Variants in INTS9 observed in about 807,000 individuals in gnomAD.
INTS9 encodes the protein protein related to CPSF subunits of 74 kDa.
A neutral mutation model predicts 79.7 loss-of-function variants in INTS9; 55 were observed. The ratio of observed to expected loss-of-function variants is 0.69; its 90% CI spans 0.56 to 0.86. The LOEUF (loss-of-function observed/expected upper bound fraction) is 0.86, where lower values mean the gene tolerates loss of function less well. Among genes scored for constraint, INTS9 ranks in the 40% least tolerant of loss-of-function variants. INTS9 has a pLI of 0.00. For synonymous variants in INTS9, 319 were observed against 325.2 expected, an observed-to-expected ratio of 0.98 and a Z score of 0.20; for missense variants, 721 against 831.5, an observed-to-expected ratio of 0.87 and a Z score of 1.64.
intron 3 of INTS9, among the ~76,000 whole-genome samples, chr8:28,847,145 A>G (rs1807564812): frequency 6.6e-6 from 1 of 152,218 alleles, no homozygotes; most frequent in African/African-American, 2.4e-5. Flanking sequence ...GCAACACCAG[A>G]ATTATGTGGG....
intron 1 of INTS9, among the ~76,000 whole-genome samples, chr8:28,879,276 C>G (rs1302497556): frequency 6.6e-6 from 1 of 151,716 alleles, no homozygotes; most frequent in African/African-American, 2.4e-5. Flanking sequence ...GTTTAACATT[C>G]AAAATTCAAT....
intron 6 of INTS9, 124 bp from the exon 7 acceptor site, chr8:28,813,736 G>A (rs1805298593): frequency 9.8e-7 from 1 of 1,018,960 alleles, no homozygotes; most frequent in Non-Finnish European, 1.5e-6. Context: ...TTGTTCATAG[G>A]ATTCCTTTAT....
At chr8:28,784,020 C>T (rs1803445503) in intron 11 of INTS9, 1 of 152,222 alleles carries the variant, frequency 6.6e-6, no homozygotes, top group African/African-American at 2.4e-5. Flanking sequence ...TTGGATCTAC[C>T]TTTCTAGCCA....
chr8:28,823,616 T>C (rs1805979050), intron 6 of INTS9, among the ~76,000 whole-genome samples: 1 of 152,242 alleles, frequency 6.6e-6, no homozygotes, highest in Non-Finnish European at 1.5e-5. Context: ...GTCAGTTTAA[T>C]TCTTAGGCAC....
intron 8 of INTS9, among the ~76,000 whole-genome samples, chr8:28,806,471 C>T (rs1804820797): frequency 6.6e-6 from 1 of 152,148 alleles, no homozygotes; most frequent in African/African-American, 2.4e-5. Flanking sequence ...ACAACTAACA[C>T]ACCCTTTTCA....
At chr8:28,774,074 C>G (rs743673) in intron 14 of INTS9, among the ~76,000 whole-genome samples, 80,543 of 151,904 alleles carry the variant, frequency 0.53, 21,786 homozygotes, top group African/African-American at 0.58. Context: ...CGGCCTCCCA[C>G]AGTGCTAGGA....
At chr8:28,788,922 A>C (rs1803769337) in intron 10 of INTS9, among the ~76,000 whole-genome samples, 2 of 152,242 alleles carry the variant, frequency 1.3e-5, no homozygotes, top group South Asian at 4.1e-4. Flanking sequence ...GGTGTTGTGC[A>C]GGTTTGACAT....
At chr8:28,851,640 T>G (rs947446657) in intron 2 of INTS9, among the ~76,000 whole-genome samples, 3 of 151,944 alleles carry the variant, frequency 2.0e-5, no homozygotes, top group African/African-American at 7.2e-5. Context: ...GGTTTCACTG[T>G]GTTAGCCAGG....
intron 12 of INTS9, among the ~76,000 whole-genome samples, chr8:28,779,715 C>T (rs867037113): frequency 6.6e-6 from 1 of 152,142 alleles, no homozygotes; most frequent in Admixed American, 6.5e-5. Context: ...TTTCTTTTAC[C>T]CATGGTGTGT....
chr8:28,770,653 T>C (rs367758925), intron 15 of INTS9, among the ~76,000 whole-genome samples: 114 of 152,330 alleles, frequency 7.5e-4, no homozygotes, highest in Non-Finnish European at 1.2e-3. Context: ...TGTGGGTCAT[T>C]GGTAGGACCA....
chr8:28,785,251 T>C (rs755810558), intron 11 of INTS9, among the ~76,000 whole-genome samples: 3 of 152,266 alleles, frequency 2.0e-5, no homozygotes, highest in South Asian at 2.1e-4. Context: ...AACATGACTT[T>C]TGTGGGGACA....
chr8:28,793,402 TG>T (rs1364791540), intron 10 of INTS9, among the ~76,000 whole-genome samples: 1 of 152,224 alleles, frequency 6.6e-6, no homozygotes, highest in Non-Finnish European at 1.5e-5. Flanking sequence ...ATCATACTAT[TG>T]CAATTTTTAA....
In INTS9 at chr8:28,873,768, T is replaced by C. The variant is rs533155960; in HGVS notation, c.10-14205A>G. Among the ~76,000 whole-genome samples the C allele has an allele frequency of 1.4e-4, 21 of 152,346 alleles. No individual in the cohort carries two copies. In the South Asian group the frequency reaches 4.4e-3, roughly 32 times the overall value. ...CTGCAACATACTTTCTAGTAATTTG[T>C]CTATACTCAACATGTCGATGTGACT... On this transcript the variant is annotated intron_variant, in intron 1 of 16. Coordinates refer to ENST00000521022, the MANE Select transcript of INTS9 (RefSeq NM_018250.4).
chr8:28,854,424 GGCACTTTTGACAGTTT>G (rs1435587193), intron 2 of INTS9, among the ~76,000 whole-genome samples: 1 of 151,962 alleles, frequency 6.6e-6, no homozygotes, highest in Admixed American at 6.6e-5. Context: ...ACACAGAAAG[GGCACTTTTGACAGTTT>G]GCAGTGAGGT....
intron 14 of INTS9, among the ~76,000 whole-genome samples, chr8:28,772,809 A>G (rs1389449859): frequency 1.1e-5 from 1 of 87,386 alleles, no homozygotes; most frequent in Non-Finnish European, 2.4e-5. Flanking sequence ...TCCGTCTCAA[A>G]AAAAGAAAAA....
intron 4 of INTS9, among the ~76,000 whole-genome samples, chr8:28,843,589 T>G (rs986837141): frequency 6.6e-6 from 1 of 152,222 alleles, no homozygotes; most frequent in Non-Finnish European, 1.5e-5. Flanking sequence ...TTTCTTATAG[T>G]AGACTTGCAC....
chr8:28,826,600 T>TGA (rs1194885744), intron 6 of INTS9, among the ~76,000 whole-genome samples: 2 of 152,170 alleles, frequency 1.3e-5, no homozygotes, highest in East Asian at 3.9e-4. Flanking sequence ...GTGAGGTAGA[T>TGA]CAAGTGGCTT....
chr8:28,858,408 G>A (rs1428322187), intron 2 of INTS9, among the ~76,000 whole-genome samples: 2 of 152,086 alleles, frequency 1.3e-5, no homozygotes, highest in East Asian at 3.9e-4. Flanking sequence ...GGGGGAAAAA[G>A]ACAATAATAT....
At chr8:28,787,784 TC>T in intron 11 of INTS9, 44 bp downstream of exon 11, 1 of 1,403,544 alleles carries the variant, frequency 7.1e-7, no homozygotes, top group Non-Finnish European at 1.0e-6. Flanking sequence ...CATCAGGTTA[TC>T]CACATTGCTT....
Sources: allele counts gnomAD v4.1 joint callset (sites outside exome capture counted in the v4.1 genomes callset), GRCh38; gene constraint gnomAD v4.1.1; transcripts MANE v1.5; gene names NCBI Gene and HGNC (gene_info 2026-07-23, HGNC 2026-07-21).